GABRA3: variants seen among roughly 807,000 people sequenced by gnomAD.
GABRA3 encodes the protein gamma-aminobutyric acid receptor subunit alpha-3.
A neutral mutation model predicts 30.1 loss-of-function variants in GABRA3; 10 were observed. The ratio of observed to expected loss-of-function variants is 0.33; its 90% CI spans 0.20 to 0.56. The LOEUF is 0.56. Ranked by LOEUF, GABRA3 falls within the 20% of genes least tolerant of loss-of-function variation. The pLI, the probability that GABRA3 is intolerant of heterozygous loss-of-function variation, is 0.89. For missense variants in GABRA3, 233 were observed against 392.0 expected, an observed-to-expected ratio of 0.59 and a Z score of 3.42; for synonymous variants, 151 against 146.8, an observed-to-expected ratio of 1.03 and a Z score of -0.21.
intron 3 of GABRA3, among the ~76,000 whole-genome samples, chrX:152,344,326 A>G (rs1353582555): frequency 8.9e-6 from 1 of 112,106 alleles, no homozygotes; most frequent in Non-Finnish European, 1.9e-5. Flanking sequence ...GAAATGAATG[A>G]TATTAATGGA....
At chrX:152,229,544 C>A (rs1035387588) in intron 5 of GABRA3, among the ~76,000 whole-genome samples, 14 of 110,190 alleles carry the variant, frequency 1.3e-4, no homozygotes, top group Admixed American at 1.2e-3. Flanking sequence ...CTTGTAGAAA[C>A]CTGGGGAAAG....
At chrX:152,286,554 G>A (rs183309061) in intron 3 of GABRA3, among the ~76,000 whole-genome samples, 5 of 111,169 alleles carry the variant, frequency 4.5e-5, no homozygotes, top group Non-Finnish European at 7.5e-5. Context: ...TTTCTCTCAC[G>A]GAAAGGTAGG....
intron 5 of GABRA3, among the ~76,000 whole-genome samples, chrX:152,234,597 G>C (rs1280837769): frequency 9.0e-6 from 1 of 111,487 alleles, no homozygotes; most frequent in Non-Finnish European, 1.9e-5. Context: ...TATTTTAATA[G>C]TTTCAGATCT....
At chrX:152,174,924 G>T (rs1340353956) in intron 9 of GABRA3, among the ~76,000 whole-genome samples, 2 of 111,919 alleles carry the variant, frequency 1.8e-5, no homozygotes, top group African/African-American at 6.5e-5. Context: ...TATGGTTTTA[G>T]GTCTAACATT....
intron 1 of GABRA3, among the ~76,000 whole-genome samples, chrX:152,441,745 T>C (rs908130395): frequency 1.8e-5 from 2 of 111,261 alleles, no homozygotes; most frequent in African/African-American, 6.6e-5. Flanking sequence ...AAACTAGTTG[T>C]GTATAAATGA....
chrX:152,274,704 C>G (rs1466180922), intron 4 of GABRA3, among the ~76,000 whole-genome samples: 1 of 109,794 alleles, frequency 9.1e-6, no homozygotes, highest in African/African-American at 3.3e-5. Flanking sequence ...TAAAGATAGC[C>G]TTTAAGGAAA....
chrX:152,405,703 C>T (rs1008356766), intron 1 of GABRA3, among the ~76,000 whole-genome samples: 3 of 111,674 alleles, frequency 2.7e-5, no homozygotes, highest in Non-Finnish European at 5.6e-5. Context: ...GGATGGCATT[C>T]CTTGACTCAC....
At chrX:152,234,052 G>A (rs867839744) in intron 5 of GABRA3, among the ~76,000 whole-genome samples, 2 of 72,957 alleles carry the variant, frequency 2.7e-5, no homozygotes, top group Admixed American at 1.7e-4. Context: ...GTTGTGGGGT[G>A]GGGGGAGGGG....
At chrX:152,391,468 T>C (rs1394823628) in intron 1 of GABRA3, among the ~76,000 whole-genome samples, 1 of 111,373 alleles carries the variant, frequency 9.0e-6, no homozygotes, top group African/African-American at 3.3e-5. Context: ...CGGGAAAGAA[T>C]TCCTTGGTTT....
intron 1 of GABRA3, among the ~76,000 whole-genome samples, chrX:152,407,158 G>T (rs943967231): frequency 9.0e-6 from 1 of 110,971 alleles, no homozygotes; most frequent in Admixed American, 9.6e-5. Flanking sequence ...ATAACCTAAG[G>T]CTTCATCTTA....
At chrX:152,366,984 G>A (rs945536165) in intron 1 of GABRA3, among the ~76,000 whole-genome samples, 4 of 111,040 alleles carry the variant, frequency 3.6e-5, no homozygotes, top group African/African-American at 1.3e-4. Context: ...GTGAAGAATT[G>A]ATATCCTTTG....
At chrX:152,285,187 C>A (rs1939270333) in intron 3 of GABRA3, among the ~76,000 whole-genome samples, 1 of 111,887 alleles carries the variant, frequency 8.9e-6, no homozygotes, top group Non-Finnish European at 1.9e-5. Context: ...TCTCTCATGG[C>A]TGGAACAATT....
At chrX:152,320,546 A>G (rs1353271902) in intron 3 of GABRA3, among the ~76,000 whole-genome samples, 1 of 111,137 alleles carries the variant, frequency 9.0e-6, no homozygotes, top group African/African-American at 3.3e-5. Context: ...TGTAAGAATG[A>G]TACAATGAAC....
At chrX:152,423,798 A>G (rs1930440342) in intron 1 of GABRA3, among the ~76,000 whole-genome samples, 1 of 111,541 alleles carries the variant, frequency 9.0e-6, no homozygotes, top group Non-Finnish European at 1.9e-5. Flanking sequence ...AAGGATGTGG[A>G]CAAATAATTA....
chrX:152,277,008 C>A (rs753573730), intron 4 of GABRA3, among the ~76,000 whole-genome samples: 19 of 111,280 alleles, frequency 1.7e-4, no homozygotes, highest in Non-Finnish European at 2.5e-4. Flanking sequence ...GATAATATGC[C>A]ATAAAAAGAC....
intron 3 of GABRA3, among the ~76,000 whole-genome samples, chrX:152,292,053 C>A (rs1365439546): frequency 9.0e-6 from 1 of 111,636 alleles, no homozygotes; most frequent in Non-Finnish European, 1.9e-5. Flanking sequence ...GGGAGGATTC[C>A]CTCTTTTTCT....
chrX:152,203,643 A>G (rs1352543170), intron 7 of GABRA3, among the ~76,000 whole-genome samples: 1 of 110,811 alleles, frequency 9.0e-6, no homozygotes, highest in African/African-American at 3.3e-5. Flanking sequence ...ACTTCTGGTG[A>G]CTCTAGGGAA....
intron 4 of GABRA3, among the ~76,000 whole-genome samples, chrX:152,272,699 A>C (rs973366186): frequency 1.7e-4 from 19 of 111,695 alleles, no homozygotes; most frequent in African/African-American, 6.2e-4. Context: ...TCTCATTTTG[A>C]ATTGTAGTTT....
At position 152,381,315 on chromosome X, in the gene GABRA3, A is replaced by G. The variant is rs747051608; in HGVS notation, c.-26-16719T>C. Among the ~76,000 whole-genome samples the G allele has an allele frequency of 1.2e-3, 134 of 112,058 alleles. 1 individual carries two copies. Among genetic ancestry groups the G allele is most frequent in the African/African-American group, 4.2e-3 (130 of 30,882 alleles). On this transcript the variant is annotated intron_variant, in intron 1 of 9. Transcript: ENST00000370314. ...ATTTCCCTGAAGAGTAGTGATGCTG[A>G]GCATTTTTTTCATGTACTTGTTTGC... is the stretch of plus-strand genomic sequence containing the variant.
Sources: gnomAD v4.1 joint callset for allele counts (sites outside exome capture counted in the v4.1 genomes callset) on GRCh38, gnomAD v4.1.1 for gene constraint, MANE v1.5 for transcripts, NCBI Gene and HGNC (gene_info 2026-07-23, HGNC 2026-07-21) for gene names.